Variants in CALN1 observed in about 807,000 individuals in gnomAD.
CALN1 encodes the protein calneuron 1.
CALN1 carries 17 observed loss-of-function variants against 30.6 expected under a neutral mutation model. The ratio of observed to expected loss-of-function variants is 0.56; its 90% CI spans 0.38 to 0.83. The LOEUF is 0.83. Among genes scored for constraint, CALN1 ranks in the 40% least tolerant of loss-of-function variants. The probability of loss-of-function intolerance (pLI) is 0.00; values close to 1 mark genes in which losing one functional copy is unlikely to be tolerated. For missense variants in CALN1, 291 were observed against 354.9 expected (o/e 0.82, Z 1.45); for synonymous variants, 156 against 131.4 (o/e 1.19, Z -1.28).
chr7:72,085,176 C>A (rs1805404053), intron 4 of CALN1, among the ~76,000 whole-genome samples: 1 of 152,130 alleles, frequency 6.6e-6, no homozygotes, highest in South Asian at 2.1e-4. Context: ...GGCACTTTAT[C>A]ATCTGACATT....
At chr7:72,113,224 G>A (rs1807701434) in intron 3 of CALN1, among the ~76,000 whole-genome samples, 1 of 152,158 alleles carries the variant, frequency 6.6e-6, no homozygotes, top group Non-Finnish European at 1.5e-5. Context: ...GGAGGAGGAG[G>A]AGGGGTTGCA....
chr7:72,278,667 A>C lies in CALN1; in HGVS notation c.244+19T>G, dbSNP rs553816556. 3.7e-6 allele frequency: 6 copies of C among 1,600,784 alleles called. No individual in the cohort carries two copies. In the African/African-American group the frequency reaches 4.0e-5, roughly 11 times the overall value. ...CCCTGGGAGGGGGGCCATCCCCCCAAACAGGGTAGGCTCCTTACCATCGAG... is the reference window on the plus strand; with the variant it reads ...CCCTGGGAGGGGGGCCATCCCCCCACACAGGGTAGGCTCCTTACCATCGAG... On this transcript the variant is annotated intron_variant, in intron 3 of 6. Coordinates refer to ENST00000395275, the MANE Select transcript of CALN1 (RefSeq NM_031468.4).
intron 2 of CALN1, among the ~76,000 whole-genome samples, chr7:72,401,924 G>T (rs936412068): frequency 6.6e-6 from 1 of 152,090 alleles, no homozygotes; most frequent in African/African-American, 2.4e-5. Context: ...TTTTCCAGGG[G>T]AAGTGTTCAA....
At chr7:72,189,640 C>T (rs759661502) in intron 3 of CALN1, among the ~76,000 whole-genome samples, 1 of 151,970 alleles carries the variant, frequency 6.6e-6, no homozygotes, top group Non-Finnish European at 1.5e-5. Flanking sequence ...TGGTGGCCTG[C>T]ACCTATAATC....
At chr7:71,971,569 A>C (rs1301509236) in intron 5 of CALN1, among the ~76,000 whole-genome samples, 1 of 152,140 alleles carries the variant, frequency 6.6e-6, no homozygotes, top group East Asian at 1.9e-4. Flanking sequence ...CATCTGCAAG[A>C]AGCAAGGTCA....
intron 2 of CALN1, among the ~76,000 whole-genome samples, chr7:72,351,908 A>G (rs1002287391): frequency 5.3e-5 from 8 of 152,254 alleles, no homozygotes; most frequent in Non-Finnish European, 1.2e-4. Context: ...CTATATTAAC[A>G]TAATCTTTTC....
chr7:72,237,376 C>T (rs1007792045), intron 3 of CALN1, among the ~76,000 whole-genome samples: 1 of 152,064 alleles, frequency 6.6e-6, no homozygotes, highest in African/African-American at 2.4e-5. Context: ...GCTCTGAATC[C>T]CACCCCCATG....
At chr7:71,791,468 C>CAT (rs1238137218) in intron 6 of CALN1, among the ~76,000 whole-genome samples, 2 of 152,104 alleles carry the variant, frequency 1.3e-5, no homozygotes, top group Admixed American at 1.3e-4. Context: ...TCAAATACCG[C>CAT]ATGTTCTCAC....
chr7:72,456,221 T>C, the CALN1 span, among the ~76,000 whole-genome samples: 1 of 148,888 alleles, frequency 6.7e-6, no homozygotes, highest in Admixed American at 6.7e-5. Context: ...AGATGTACCA[T>C]TGTAAGAGGG....
At chr7:72,357,540 T>C (rs1294204118) in intron 2 of CALN1, among the ~76,000 whole-genome samples, 4 of 151,974 alleles carry the variant, frequency 2.6e-5, no homozygotes, top group Non-Finnish European at 4.4e-5. Flanking sequence ...GCTGCCTTGA[T>C]CTTACCATGA....
intron 3 of CALN1, among the ~76,000 whole-genome samples, chr7:72,262,059 A>T (rs935793925): frequency 1.3e-5 from 2 of 152,190 alleles, no homozygotes; most frequent in Admixed American, 6.5e-5. Context: ...GCAGAGAAAT[A>T]TTTCCAGTGT....
At chr7:72,113,291 C>CCT (rs1276116962) in intron 3 of CALN1, among the ~76,000 whole-genome samples, 1 of 151,534 alleles carries the variant, frequency 6.6e-6, no homozygotes, top group Non-Finnish European at 1.5e-5. Context: ...CTGGCACCTC[C>CCT]CTCTCTCTCT....
rs573692776 is a variant in CALN1 at position 72,373,523 on chromosome 7, C to T, written c.119+29728G>A. On this transcript the variant is annotated intron_variant, in intron 2 of 6. Transcript: ENST00000395275. ...CACTTTCAGGACAGTATTCAATAAA[C>T]TACATGAGATATTCAACACTTTATT... 5.3e-5 allele frequency among the ~76,000 whole-genome samples: 8 copies of T among 152,224 alleles called. No homozygotes were observed. The East Asian group carries it at 1.5e-3, about 29-fold the overall frequency.
chr7:72,448,607 C>A (rs1028375439), upstream of CALN1, among the ~76,000 whole-genome samples: 13 of 151,694 alleles, frequency 8.6e-5, no homozygotes, highest in African/African-American at 1.7e-4. Context: ...TGGCACCTTG[C>A]GTGATCTTTT....
intron 2 of CALN1, among the ~76,000 whole-genome samples, chr7:72,280,816 A>G (rs1274314724): frequency 6.6e-6 from 1 of 152,204 alleles, no homozygotes; most frequent in Non-Finnish European, 1.5e-5. Context: ...TTGCAGGCAT[A>G]GGTTACCTAT....
At chr7:72,183,283 A>T (rs1424521518) in intron 3 of CALN1, among the ~76,000 whole-genome samples, 1 of 152,064 alleles carries the variant, frequency 6.6e-6, no homozygotes, top group African/African-American at 2.4e-5. Context: ...CAGGCTGGAA[A>T]TCTATGTTTT....
At chr7:71,802,984 A>G (rs1584252096) in intron 6 of CALN1, among the ~76,000 whole-genome samples, 1 of 152,200 alleles carries the variant, frequency 6.6e-6, no homozygotes, top group East Asian at 1.9e-4. Flanking sequence ...AGATCGCGCC[A>G]CTGCACTCTA....
At chr7:72,205,457 C>T (rs1247002799) in intron 3 of CALN1, among the ~76,000 whole-genome samples, 1 of 149,576 alleles carries the variant, frequency 6.7e-6, no homozygotes, top group Non-Finnish European at 1.5e-5. Flanking sequence ...CCCACCTTGG[C>T]CTTTCAAACT....
intron 5 of CALN1, among the ~76,000 whole-genome samples, chr7:71,908,008 C>T (rs139321497): frequency 6.6e-6 from 1 of 152,214 alleles, no homozygotes. Flanking sequence ...AGAAATGTTT[C>T]CTATACCAGA....
Sources: allele counts gnomAD v4.1 joint callset (sites outside exome capture counted in the v4.1 genomes callset), GRCh38; gene constraint gnomAD v4.1.1; transcripts MANE v1.5; gene names NCBI Gene and HGNC (gene_info 2026-07-23, HGNC 2026-07-21).